ANO3: variants seen among roughly 807,000 people sequenced by gnomAD.
The protein encoded by ANO3 is anoctamin 3.
ANO3 carries 99 observed loss-of-function variants against 144.8 expected under a neutral mutation model. That is an observed-to-expected ratio of 0.68 (90% CI 0.58 to 0.81). The LOEUF is 0.81. Ranked by LOEUF, ANO3 falls within the 30% of genes least tolerant of loss-of-function variation. The pLI, the probability that ANO3 is intolerant of heterozygous loss-of-function variation, is 0.00. For missense variants in ANO3, 905 were observed against 1,202.2 expected, an observed-to-expected ratio of 0.75 and a Z score of 3.66; for synonymous variants, 414 against 392.6, an observed-to-expected ratio of 1.05 and a Z score of -0.64.
At chr11:26,392,944 G>A (rs977899829) in intron 1 of ANO3, among the ~76,000 whole-genome samples, 1 of 152,030 alleles carries the variant, frequency 6.6e-6, no homozygotes, top group African/African-American at 2.4e-5. Context: ...TAATTTAAAA[G>A]CACGTGAAAA....
In ANO3 at chr11:26,387,425, T is replaced by C. The variant is rs377609742; in HGVS notation, c.47-54493T>C. Among the ~76,000 whole-genome samples the C allele has an allele frequency of 6.8e-4, 103 of 152,252 alleles. No homozygotes were observed. In the South Asian group the frequency reaches 0.021, roughly 31 times the overall value. ...AAATCCAGTACTCTACTTATCTCTT[T>C]AGCTGTATGTAATCTACTATATGAC... On this transcript the variant is annotated intron_variant, in intron 1 of 26. Coordinates refer to ENST00000256737, the MANE Select transcript of ANO3 (RefSeq NM_031418.4).
intron 1 of ANO3, among the ~76,000 whole-genome samples, chr11:26,382,237 A>C (rs1174879686): frequency 2.6e-5 from 4 of 152,152 alleles, no homozygotes; most frequent in Non-Finnish European, 5.9e-5. Flanking sequence ...AAGTTCCAAG[A>C]CAGTAACACT....
In ANO3 at chr11:26,332,315, C is replaced by G. The variant is rs142688782; in HGVS notation, c.40C>G (p.Gln14Glu). The G allele has an allele frequency of 1.1e-5, 18 of 1,613,676 alleles. No homozygotes were observed. The highest frequency in any genetic ancestry group is 1.3e-5 in the African/African-American group (1 of 74,790). The change falls in exon 1 of 27, where the codon CAA becomes GAA. Residue 14 changes from glutamine to glutamate, a missense_variant. Physicochemically the swap from Gln to Glu is conservative, Grantham distance 29. Coordinates refer to ENST00000256737, the MANE Select transcript of ANO3 (RefSeq NM_031418.4). Reference sequence around the variant, plus strand: ...AGGCTCCATTCAGTCCTTTAAACAGCAAAAAGGTCAGTTGGAATCTTGCTC... The same window carrying G: ...AGGCTCCATTCAGTCCTTTAAACAGGAAAAAGGTCAGTTGGAATCTTGCTC... ...HSGSIQSFKQQKGMNISKSEI... is the reference protein window; with the variant it reads ...HSGSIQSFKQEKGMNISKSEI...
chr11:26,640,419 G>T (rs955800660), intron 21 of ANO3, among the ~76,000 whole-genome samples: 1 of 152,126 alleles, frequency 6.6e-6, no homozygotes, highest in East Asian at 1.9e-4. Flanking sequence ...GGACTGGGGA[G>T]CCCAGTTCAT....
Position 26,332,184 on chromosome 11 carries a change from C to A in ANO3, c.-92C>A. On this transcript the variant is annotated 5_prime_UTR_variant, in exon 1 of 27. Coordinates refer to ENST00000256737, the MANE Select transcript of ANO3 (RefSeq NM_031418.4). ...TCGGATTGCAGTGCGCTCGCTGAGG[C>A]TCCGGACCTTGGAGCGTCTAGAGTC... The A allele has an allele frequency of 1.9e-6, 3 of 1,611,210 alleles. No homozygotes were observed. Among genetic ancestry groups the A allele is most frequent in the Non-Finnish European group, 2.5e-6 (3 of 1,178,738 alleles).
At chr11:26,534,858 A>T (rs1161724390) in intron 9 of ANO3, among the ~76,000 whole-genome samples, 2 of 152,204 alleles carry the variant, frequency 1.3e-5, no homozygotes, top group Non-Finnish European at 2.9e-5. Context: ...GTGACAAAAT[A>T]TGCAGAAATT....
At chr11:26,644,895 G>A (rs984465274) in intron 23 of ANO3, among the ~76,000 whole-genome samples, 1 of 151,358 alleles carries the variant, frequency 6.6e-6, no homozygotes, top group East Asian at 1.9e-4. Context: ...ATATGTGTGT[G>A]TACATATATA....
chr11:26,489,907 T>G (rs1253153013), intron 4 of ANO3, among the ~76,000 whole-genome samples: 4 of 152,214 alleles, frequency 2.6e-5, no homozygotes, highest in Non-Finnish European at 5.9e-5. Context: ...GGACTTGTCT[T>G]GTTCAAATGA....
intron 9 of ANO3, 144 bp downstream of exon 9, chr11:26,534,706 C>T (rs958362619): frequency 2.1e-5 from 10 of 466,220 alleles, no homozygotes; most frequent in East Asian, 6.9e-5. Flanking sequence ...ATAAGCATTC[C>T]ATTTTTCAGC....
chr11:26,281,947 T>C (rs1021937059), intron 1 of ANO3, among the ~76,000 whole-genome samples: 1 of 152,170 alleles, frequency 6.6e-6, no homozygotes, highest in Non-Finnish European at 1.5e-5. Flanking sequence ...CCATGTGGAT[T>C]AGTCATAATT....
chr11:26,580,337 T>G (rs2132855459), intron 14 of ANO3, among the ~76,000 whole-genome samples: 1 of 152,300 alleles, frequency 6.6e-6, no homozygotes, highest in Admixed American at 6.5e-5. Flanking sequence ...TATTGATAGT[T>G]TCAAAGTTTC....
intron 14 of ANO3, among the ~76,000 whole-genome samples, chr11:26,573,735 C>G (rs1002121494): frequency 6.6e-6 from 1 of 152,122 alleles, no homozygotes; most frequent in East Asian, 1.9e-4. Context: ...GGCCCAGAAT[C>G]CTATTCATCA....
At chr11:26,376,131 A>G (rs1468047387) in intron 1 of ANO3, among the ~76,000 whole-genome samples, 1 of 152,182 alleles carries the variant, frequency 6.6e-6, no homozygotes, top group African/African-American at 2.4e-5. Flanking sequence ...AATGTCAAAG[A>G]GCATGTATTT....
rs192960579 is a variant in ANO3 at position 26,356,559 on chromosome 11, G to A, written c.46+24238G>A. On this transcript the variant is annotated intron_variant, in intron 1 of 26. Coordinates refer to ENST00000256737, the MANE Select transcript of ANO3 (RefSeq NM_031418.4). ...ATATAATGCTTTTTACATTTATGTTGTATATATGAATTGCTCATTATTTTT... is the reference window on the plus strand; with the variant it reads ...ATATAATGCTTTTTACATTTATGTTATATATATGAATTGCTCATTATTTTT... Among the ~76,000 whole-genome samples, 583 of 152,050 alleles carry A rather than the reference G, an allele frequency of 3.8e-3. 2 individuals carry two copies. The highest frequency in any genetic ancestry group is 6.7e-3 in the Non-Finnish European group (452 of 67,962).
chr11:26,601,461 T>C (rs1269408683), intron 17 of ANO3, among the ~76,000 whole-genome samples: 1 of 152,200 alleles, frequency 6.6e-6, no homozygotes, highest in East Asian at 1.9e-4. Flanking sequence ...AGAAAGTGAA[T>C]ACTGTTTACA....
intron 1 of ANO3, among the ~76,000 whole-genome samples, chr11:26,265,120 G>C (rs770502981): frequency 2.6e-5 from 4 of 152,020 alleles, no homozygotes; most frequent in Non-Finnish European, 4.4e-5. Context: ...TTCTACTTTT[G>C]TATATACTTT....
chr11:26,382,777 G>A (rs1228194676), intron 1 of ANO3, among the ~76,000 whole-genome samples: 1 of 152,148 alleles, frequency 6.6e-6, no homozygotes, highest in African/African-American at 2.4e-5. Flanking sequence ...TTAGAAGTAT[G>A]TGTTACCCAA....
chr11:26,455,594 C>A (rs1320247479), intron 3 of ANO3, among the ~76,000 whole-genome samples: 1 of 152,158 alleles, frequency 6.6e-6, no homozygotes, highest in Non-Finnish European at 1.5e-5. Flanking sequence ...AATGGAAGAA[C>A]CTTCCATGCT....
chr11:26,366,522 C>A (rs147184916), intron 1 of ANO3, among the ~76,000 whole-genome samples: 9 of 152,022 alleles, frequency 5.9e-5, no homozygotes, highest in African/African-American at 7.2e-5. Context: ...GTCAAATGGT[C>A]TTTCTAGTTC....
Sources: allele counts gnomAD v4.1 joint callset (sites outside exome capture counted in the v4.1 genomes callset), GRCh38; gene constraint gnomAD v4.1.1; transcripts MANE v1.5; gene names NCBI Gene and HGNC (gene_info 2026-07-23, HGNC 2026-07-21).